DNAJC10: variants seen among roughly 807,000 people sequenced by gnomAD.
DNAJC10 encodes DnaJ heat shock protein family (Hsp40) member C10, also known as endoplasmic reticulum disulfide reductase DNAJC10.
DNAJC10 carries 101 observed loss-of-function variants against 115.0 expected under a neutral mutation model. The ratio of observed to expected loss-of-function variants is 0.88; its 90% CI spans 0.75 to 1.04. The LOEUF (loss-of-function observed/expected upper bound fraction) is 1.04. Among genes scored for constraint, DNAJC10 ranks in the 50% least tolerant of loss-of-function variants. The probability of loss-of-function intolerance (pLI) is 0.00; values close to 1 mark genes in which losing one functional copy is unlikely to be tolerated. For missense variants in DNAJC10, 981 were observed against 928.8 expected, an observed-to-expected ratio of 1.06 and a Z score of -0.73; for synonymous variants, 307 against 301.5, an observed-to-expected ratio of 1.02 and a Z score of -0.19.
In DNAJC10 at chr2:182,779,586, T is replaced by C. The variant is rs1444546919; in HGVS notation, c.*2454T>C. 1.3e-5 allele frequency: 2 copies of C among 152,180 alleles called. No individual in the cohort carries two copies. The highest frequency in any genetic ancestry group is 2.9e-5 in the Non-Finnish European group (2 of 68,026). 9.4% of individuals were successfully genotyped at this position (152,180 alleles called of 1,614,324 possible). On this transcript the variant is annotated 3_prime_UTR_variant, in exon 24 of 24. Transcript: ENST00000264065. ...ATAGCAAGACCCCATCTCTAATAAA[T>C]AAATTATGTTTTGGGCATTAATGAT... is the stretch of plus-strand genomic sequence containing the variant.
intron 14 of DNAJC10, 150 bp from the exon 15 acceptor site, chr2:182,751,508 C>G: frequency 1.3e-6 from 1 of 796,896 alleles, no homozygotes; most frequent in Non-Finnish European, 2.0e-6. Flanking sequence ...GAGCTAAGCC[C>G]TGTATAGTAT....
chr2:182,732,464 G>T, intron 9 of DNAJC10, 35 bp from the exon 10 acceptor site: 1 of 1,610,940 alleles, frequency 6.2e-7, no homozygotes, highest in Non-Finnish European at 8.5e-7. Flanking sequence ...GCTTAATAAA[G>T]GTAAAACTGC....
chr2:182,758,022 A>G (rs1694200761), intron 19 of DNAJC10, among the ~76,000 whole-genome samples, 197 bp downstream of exon 19: 1 of 152,198 alleles, frequency 6.6e-6, no homozygotes, highest in Admixed American at 6.6e-5. Context: ...TAAAGCTTAT[A>G]GTCTAGACAA....
In DNAJC10 at chr2:182,778,388, C is replaced by CA. The variant is rs1234181995; in HGVS notation, c.*1259dup. Reference sequence around the variant, plus strand: ...TTCTAGTTTCTGTGTTGTTTAGACTCAAAGAATCACAAATTTGTCAGTAAC... The same window carrying CA: ...TTCTAGTTTCTGTGTTGTTTAGACTCAAAAGAATCACAAATTTGTCAGTAAC... On this transcript the variant is annotated 3_prime_UTR_variant, in exon 24 of 24. Transcript: ENST00000264065. 2.6e-5 allele frequency: 4 copies of CA among 152,104 alleles called. No homozygotes were observed. Among genetic ancestry groups the CA allele is most frequent in the East Asian group, 3.9e-4 (2 of 5,178 alleles). The allele number at this position is 152,104 out of a possible 1,614,324, so 9.4% of individuals were successfully genotyped here. A position where few individuals can be genotyped will look rare whatever the true frequency, so the allele number is the denominator to read the frequency against.
At chr2:182,743,762 A>T in intron 14 of DNAJC10, 50 bp downstream of exon 14, 1 of 1,309,302 alleles carries the variant, frequency 7.6e-7, no homozygotes, top group Non-Finnish European at 1.1e-6. Flanking sequence ...ATTTTCAAAT[A>T]GAAGTTTTCT....
rs1248679719 is a variant in DNAJC10, at chr2:182,783,369, T to C, written c.*6237T>C. 6.6e-6 allele frequency: 1 copy of C among 152,188 alleles called. No individual in the cohort carries two copies. The highest frequency in any genetic ancestry group is 2.4e-5 in the African/African-American group (1 of 41,464). The allele number at this position is 152,188 out of a possible 1,614,324, so 9.4% of individuals were successfully genotyped here. ...ACTAGCAAAAAGTCCCACCTATGCA[T>C]TGAAATATCTTTCTCAAGTCATTAG... On this transcript the variant is annotated 3_prime_UTR_variant, in exon 24 of 24. Transcript: ENST00000264065.
chr2:182,743,599 T>C lies in DNAJC10; in HGVS notation c.1193T>C (p.Val398Ala), dbSNP rs950437942. 1 of 1,608,236 alleles carries C rather than the reference T, an allele frequency of 6.2e-7. No individual in the cohort carries two copies. The highest frequency in any genetic ancestry group is 1.7e-5 in the Admixed American group (1 of 59,746). Residue 398 changes from valine to alanine, a missense_variant and splice_region_variant, in exon 14 of 24, where the codon GTT (valine) becomes GCT (alanine). Val to Ala is a moderately conservative substitution (Grantham distance 64). Coordinates refer to ENST00000264065, the MANE Select transcript of DNAJC10 (RefSeq NM_018981.4). ...KTLLKNDHIQ[V>A]GRFDCSSAPD... is the part of the protein sequence containing the mutation. ...AAATTTGACCTTTTTCTCCTTTAGG[T>C]TGGCAGGTTTGACTGTTCCTCTGCA...
At chr2:182,716,544 C>G (rs771963966) in intron 1 of DNAJC10, 61 bp downstream of exon 1, 2 of 152,394 alleles carry the variant, frequency 1.3e-5, no homozygotes, top group Non-Finnish European at 2.9e-5. Context: ...GCCCTCCGGT[C>G]AGGGAGGGGC....
intron 10 of DNAJC10, among the ~76,000 whole-genome samples, chr2:182,732,912 G>A (rs1693488356): frequency 6.6e-6 from 1 of 151,938 alleles, no homozygotes; most frequent in Non-Finnish European, 1.5e-5. Flanking sequence ...TAGCCTGAGT[G>A]ATGTTGATTT....
intron 18 of DNAJC10, among the ~76,000 whole-genome samples, 162 bp from the exon 19 acceptor site, chr2:182,757,530 G>A (rs1694187192): frequency 1.3e-5 from 2 of 152,104 alleles, no homozygotes; most frequent in Non-Finnish European, 2.9e-5. Context: ...AAATTCATTA[G>A]TATAAATGGT....
rs747779598 is a variant in DNAJC10 at position 182,752,075 on chromosome 2, T to C, written c.1438T>C (p.Cys480Arg). ...ATGAATATTTTTTCTTTCCTAGTGG[T>C]GTCCACCATGTCGAGCTTTACTACC... is the stretch of plus-strand genomic sequence containing the variant. ...PWLVDFFAPWCPPCRALLPEL... is the reference protein window; with the variant it reads ...PWLVDFFAPWRPPCRALLPEL... The change falls in exon 16 of 24, where the codon TGT becomes CGT. Residue 480 changes from cysteine (C) to arginine (R), a missense_variant. Cys to Arg is a radical substitution (Grantham distance 180, BLOSUM62 -3). Transcript: ENST00000264065. 55 of 1,609,960 alleles carry C rather than the reference T, an allele frequency of 3.4e-5. No homozygotes were observed. The highest frequency in any genetic ancestry group is 4.6e-5 in the Non-Finnish European group (54 of 1,177,458).
chr2:182,743,567 T>C, intron 13 of DNAJC10, 31 bp from the exon 14 acceptor site: 1 of 1,479,790 alleles, frequency 6.8e-7, no homozygotes. Flanking sequence ...AAGACAGTGT[T>C]TTTATCAAAT....
At chr2:182,726,676 A>C (rs1240118088) in intron 5 of DNAJC10, among the ~76,000 whole-genome samples, 1 of 152,232 alleles carries the variant, frequency 6.6e-6, no homozygotes, top group South Asian at 2.1e-4. Context: ...AGCACCCATC[A>C]ACATCACGAC....
chr2:182,742,553 T>C (rs1693762320), intron 13 of DNAJC10, among the ~76,000 whole-genome samples: 1 of 152,128 alleles, frequency 6.6e-6, no homozygotes, highest in African/African-American at 2.4e-5. Context: ...ATTACTAGAG[T>C]CCTCCAGAAA....
At chr2:182,728,740 ATAG>A (rs1693357028) in intron 6 of DNAJC10, 82 bp downstream of exon 6, 1 of 1,490,354 alleles carries the variant, frequency 6.7e-7, no homozygotes, top group Non-Finnish European at 9.2e-7. Flanking sequence ...TTTTCTATGA[ATAG>A]TAATCAAAAA....
At chr2:182,736,448 C>A in intron 11 of DNAJC10, 62 bp downstream of exon 11, 1 of 1,210,686 alleles carries the variant, frequency 8.3e-7, no homozygotes, top group Non-Finnish European at 1.1e-6. Flanking sequence ...AAAAATAATA[C>A]ATTATTTTTG....
chr2:182,719,206 A>G (rs1224583598), intron 3 of DNAJC10, among the ~76,000 whole-genome samples: 6 of 151,270 alleles, frequency 4.0e-5, no homozygotes. Flanking sequence ...TATGAAGCAC[A>G]GTAACAAGGA....
At chr2:182,756,231 C>A in intron 17 of DNAJC10, 83 bp from the exon 18 acceptor site, 1 of 1,180,616 alleles carries the variant, frequency 8.5e-7, no homozygotes, top group South Asian at 2.2e-5. Context: ...AAGAGATACT[C>A]AACCTGTACC....
At chr2:182,759,379 A>G in intron 21 of DNAJC10, 72 bp downstream of exon 21, 2 of 1,462,024 alleles carry the variant, frequency 1.4e-6, no homozygotes, top group South Asian at 1.3e-5. Flanking sequence ...CATTGTAAGT[A>G]TGTAATTTTT....
Sources: allele counts gnomAD v4.1 joint callset (sites outside exome capture counted in the v4.1 genomes callset), GRCh38; gene constraint gnomAD v4.1.1; transcripts MANE v1.5; gene names NCBI Gene and HGNC (gene_info 2026-07-23, HGNC 2026-07-21).